The following WDR72 variants were observed in gnomAD, a reference collection of about 807,000 sequenced individuals.
The protein encoded by WDR72 is WD repeat domain 72.
WDR72 carries 120 observed loss-of-function variants against 124.2 expected under a neutral mutation model. That is an observed-to-expected ratio of 0.97 (90% CI 0.83 to 1.12). The LOEUF is 1.12. WDR72 is among the 50% of genes most tolerant of loss of function. The pLI is 0.00. For missense variants in WDR72, 1,387 were observed against 1,278.8 expected, an observed-to-expected ratio of 1.08 and a Z score of -1.29; for synonymous variants, 452 against 441.7, an observed-to-expected ratio of 1.02 and a Z score of -0.29.
chr15:53,614,965 G>T, intron 15 of WDR72, among the ~76,000 whole-genome samples: 1 of 151,578 alleles, frequency 6.6e-6, no homozygotes, highest in African/African-American at 2.4e-5. Context: ...TAAAATTTGA[G>T]GTATGAAATT....
chr15:53,572,774 T>G (rs1268961069), intron 18 of WDR72, among the ~76,000 whole-genome samples: 1 of 152,186 alleles, frequency 6.6e-6, no homozygotes, highest in Non-Finnish European at 1.5e-5. Flanking sequence ...CCTGTCTTTG[T>G]TGCAATACAT....
Position 53,551,855 on chromosome 15 carries a change from G to GAC in WDR72, c.3149-28535_3149-28534dup, listed in dbSNP as rs148675620. Among the ~76,000 whole-genome samples, 388 of 149,616 alleles carry GAC rather than the reference G, an allele frequency of 2.6e-3. 1 individual carries two copies. Among genetic ancestry groups the GAC allele is most frequent in the Middle Eastern group, 6.9e-3 (2 of 290 alleles). ...TATGGAAGACGACTTAGAATACACA[G>GAC]ACACACACACACACACACACAAACA... On this transcript the variant is annotated intron_variant, in intron 18 of 19. Coordinates refer to ENST00000360509, the MANE Select transcript of WDR72 (RefSeq NM_182758.4).
intron 18 of WDR72, among the ~76,000 whole-genome samples, chr15:53,557,944 G>A (rs887781389): frequency 6.6e-6 from 1 of 152,092 alleles, no homozygotes; most frequent in Non-Finnish European, 1.5e-5. Context: ...TGGCATGTCC[G>A]TAGAAGTGTA....
At chr15:53,550,774 A>G (rs1318739053) in intron 18 of WDR72, among the ~76,000 whole-genome samples, 1 of 152,216 alleles carries the variant, frequency 6.6e-6, no homozygotes, top group East Asian at 1.9e-4. Context: ...TAATTCAAGG[A>G]ATATTTATTG....
At position 53,687,434 on chromosome 15, in the gene WDR72, C is replaced by G. The variant is rs551598805; in HGVS notation, c.1765+12316G>C. ...TACCATCAGAGAATACTACAAACAC[C>G]TCTATTCAAATAAACTAGAAAATCT... is the stretch of plus-strand genomic sequence containing the variant. On this transcript the variant is annotated intron_variant, in intron 13 of 19. Transcript: ENST00000360509. Among the ~76,000 whole-genome samples, 4 of 151,332 alleles carry G rather than the reference C, an allele frequency of 2.6e-5. No individual in the cohort carries two copies. The East Asian group carries it at 7.8e-4, about 30-fold the overall frequency.
rs1397679993 is a variant in WDR72 at position 53,624,762 on chromosome 15, T to TTA, written c.1963-8521_1963-8520dup. 2.0e-5 allele frequency among the ~76,000 whole-genome samples: 3 copies of TTA among 152,328 alleles called. No individual in the cohort carries two copies. In the East Asian group the frequency reaches 5.8e-4, roughly 29 times the overall value. On this transcript the variant is annotated intron_variant, in intron 14 of 19. Coordinates refer to ENST00000360509, the MANE Select transcript of WDR72 (RefSeq NM_182758.4). ...GTTGCTATGTTTTAATGTATTAAAATTATTAAACATAATTCCAGCTAGTCA... is the reference window on the plus strand; with the variant it reads ...GTTGCTATGTTTTAATGTATTAAAATTATATTAAACATAATTCCAGCTAGTCA...
chr15:53,572,909 G>A (rs1436666244), intron 18 of WDR72, among the ~76,000 whole-genome samples: 1 of 152,114 alleles, frequency 6.6e-6, no homozygotes, highest in Admixed American at 6.5e-5. Flanking sequence ...ACAAATATAA[G>A]TTTTCCATAG....
chr15:53,529,164 A>ATATATATATATATTTTTTT (rs59003623), intron 18 of WDR72, among the ~76,000 whole-genome samples: 8 of 78,154 alleles, frequency 1.0e-4, no homozygotes, highest in African/African-American at 3.5e-4. Context: ...ATATATATAT[A>ATATATATATATATTTTTTT]TTTTTTTTTT....
intron 16 of WDR72, 48 bp downstream of exon 16, chr15:53,613,618 T>C: frequency 7.9e-7 from 1 of 1,269,816 alleles, no homozygotes; most frequent in Non-Finnish European, 1.1e-6. Context: ...TTATGTCCTT[T>C]CACAGAAAAA....
Position 53,615,847 on chromosome 15 carries a change from C to T in WDR72, c.2359G>A (p.Asp787Asn). The T allele has an allele frequency of 6.2e-7, 1 of 1,613,598 alleles. No homozygotes were observed. Among genetic ancestry groups the T allele is most frequent in the Non-Finnish European group, 8.5e-7 (1 of 1,179,660 alleles). The stretch of plus-strand genomic sequence containing the variant: ...GCTGTGTCTATTGTGAGACTGGCAT[C>T]TACTTTTCTTGATGGCTTAGGCTGC... ...KMQPKPSRKV[D>N]ASLTIDTAKL... is the part of the protein sequence containing the mutation. The change falls in exon 15 of 20, where the codon GAT becomes AAT. Residue 787 changes from aspartate to asparagine, a missense_variant. Coordinates refer to ENST00000360509, the MANE Select transcript of WDR72 (RefSeq NM_182758.4).
At chr15:53,631,144 G>C (rs2014412270) in intron 14 of WDR72, among the ~76,000 whole-genome samples, 1 of 152,142 alleles carries the variant, frequency 6.6e-6, no homozygotes, top group African/African-American at 2.4e-5. Flanking sequence ...CACGGGGGCA[G>C]TTTCTAATAG....
intron 19 of WDR72, among the ~76,000 whole-genome samples, chr15:53,518,893 C>T (rs1345855630): frequency 1.3e-5 from 2 of 152,022 alleles, no homozygotes; most frequent in Non-Finnish European, 2.9e-5. Context: ...TATAGATCTA[C>T]ATAGATAACC....
chr15:53,712,764 T>A lies in WDR72; in HGVS notation c.711+8A>T, dbSNP rs1190209735. Reference sequence around the variant, plus strand: ...ATCACTGGTATTTATTATGTTACTTTATAATACCTTCCAACATTTAGAAAA... The same window carrying A: ...ATCACTGGTATTTATTATGTTACTTAATAATACCTTCCAACATTTAGAAAA... On this transcript the variant is annotated splice_region_variant and intron_variant, in intron 7 of 19. Coordinates refer to ENST00000360509, the MANE Select transcript of WDR72 (RefSeq NM_182758.4). 2 of 1,610,894 alleles carry A rather than the reference T, an allele frequency of 1.2e-6. No homozygotes were observed. The highest frequency in any genetic ancestry group is 4.5e-5 in the East Asian group (2 of 44,832).
intron 13 of WDR72, among the ~76,000 whole-genome samples, chr15:53,686,708 G>A (rs1324354812): frequency 0.01 from 1,479 of 146,476 alleles, 6 homozygotes; most frequent in East Asian, 0.033. Context: ...GCACCAAGTG[G>A]ACCTAATAGA....
At chr15:53,705,673 G>A (rs2017331677) in intron 10 of WDR72, among the ~76,000 whole-genome samples, 1 of 152,118 alleles carries the variant, frequency 6.6e-6, no homozygotes. Flanking sequence ...GTGTTGCCCA[G>A]GCTGGTCTCG....
chr15:53,751,503 C>T (rs960524993), intron 1 of WDR72, among the ~76,000 whole-genome samples: 3 of 152,098 alleles, frequency 2.0e-5, no homozygotes, highest in East Asian at 3.8e-4. Flanking sequence ...ATTATATTAT[C>T]GTATACTTAA....
chr15:53,761,677 A>G (rs916642850), upstream of WDR72, among the ~76,000 whole-genome samples: 10 of 152,088 alleles, frequency 6.6e-5, no homozygotes, highest in African/African-American at 2.4e-4. Flanking sequence ...AAATACAAAA[A>G]TTAGCCAGGC....
intron 1 of WDR72, among the ~76,000 whole-genome samples, chr15:53,742,754 A>G (rs180900338): frequency 1.3e-5 from 2 of 152,276 alleles, no homozygotes; most frequent in East Asian, 3.9e-4. Flanking sequence ...CACAGGACAA[A>G]CAACAATACT....
intron 9 of WDR72, among the ~76,000 whole-genome samples, chr15:53,707,057 G>C (rs1471992511): frequency 6.6e-6 from 1 of 151,968 alleles, no homozygotes; most frequent in African/African-American, 2.4e-5. Context: ...TCATTTAAGC[G>C]ATTACAAAAA....
Sources: allele counts gnomAD v4.1 joint callset (sites outside exome capture counted in the v4.1 genomes callset), GRCh38; gene constraint gnomAD v4.1.1; transcripts MANE v1.5; gene names NCBI Gene and HGNC (gene_info 2026-07-23, HGNC 2026-07-21).